SYNE2: variants seen among roughly 807,000 people sequenced by gnomAD.
SYNE2 encodes the protein spectrin repeat containing nuclear envelope protein 2, also known as nesprin-2.
Under a neutral mutation model 856.3 loss-of-function variants are expected in SYNE2, and 431 were observed. The ratio of observed to expected loss-of-function variants is 0.50; its 90% CI spans 0.47 to 0.55. The LOEUF is 0.55. SYNE2 is among the 20% of genes least tolerant of loss of function. SYNE2 has a pLI of 0.00. For missense variants in SYNE2, 8,129 were observed against 8,023.2 expected, an observed-to-expected ratio of 1.01 and a Z score of -0.50; for synonymous variants, 2,923 against 2,872.3, an observed-to-expected ratio of 1.02 and a Z score of -0.56.
chr14:63,765,545 GACAGGGTTTC>G (rs1247089144), intron 1 of SYNE2, among the ~76,000 whole-genome samples: 3 of 152,030 alleles, frequency 2.0e-5, no homozygotes, highest in African/African-American at 4.8e-5. Context: ...TTTTAGTAGA[GACAGGGTTTC>G]ACTGTGTTAA....
At chr14:63,983,956 A>G in intron 18 of SYNE2, 70 bp downstream of exon 18, 2 of 1,212,052 alleles carry the variant, frequency 1.7e-6, no homozygotes, top group Non-Finnish European at 2.3e-6. Context: ...TAAAAAAAAG[A>G]TATTGCCGGG....
chr14:63,787,177 C>G (rs563951567), intron 1 of SYNE2, among the ~76,000 whole-genome samples: 12 of 152,198 alleles, frequency 7.9e-5, no homozygotes, highest in African/African-American at 1.9e-4. Flanking sequence ...TTTATCATTT[C>G]TTTGTGTTGG....
At position 64,218,096 on chromosome 14, in the gene SYNE2, G is replaced by A. The variant is rs532390345; in HGVS notation, c.19543-302G>A. On this transcript the variant is annotated intron_variant, in intron 108 of 115. Transcript: ENST00000555002. ...TCAACAAATTGTTCTGATTTGTTTC[G>A]TGTGGATCATTTGAGGGGTGTTTGG... The A allele has an allele frequency of 5.9e-5, 22 of 372,520 alleles. No homozygotes were observed. In the East Asian group the frequency reaches 6.4e-4, roughly 11 times the overall value. The allele number at this position is 372,520 out of a possible 1,614,324, so 23.1% of individuals were successfully genotyped here. A position where few individuals can be genotyped will look rare whatever the true frequency, so the allele number is the denominator to read the frequency against.
At position 64,026,647 on chromosome 14, in the gene SYNE2, C is replaced by T. The variant is rs143410137; in HGVS notation, c.6321C>T (p.Ser2107=). Residue 2107 remains serine, a synonymous_variant, in exon 42 of 116, where the codon AGC becomes AGT. Coordinates refer to ENST00000555002, the MANE Select transcript of SYNE2 (RefSeq NM_182914.3). Reference sequence around the variant, plus strand: ...CCATCATGAAGCAGGCTGAGAGCAGCGAGGCCCCGCTGGTTCAGAAGACCC... The same window carrying T: ...CCATCATGAAGCAGGCTGAGAGCAGTGAGGCCCCGCTGGTTCAGAAGACCC... ...IETIMKQAES[S]EAPLVQKTLT... is the part of the protein sequence containing the mutation. 2.8e-3 allele frequency: 4,491 copies of T among 1,613,340 alleles called. 157 individuals are homozygous for T. In the Admixed American group the frequency reaches 0.06, roughly 22 times the overall value.
At chr14:63,929,173 A>G (rs948389477) in intron 2 of SYNE2, among the ~76,000 whole-genome samples, 6 of 152,080 alleles carry the variant, frequency 3.9e-5, no homozygotes, top group Non-Finnish European at 8.8e-5. Flanking sequence ...TACCAGAAAG[A>G]CCAAGCCATG....
At chr14:64,219,453 A>G (rs1285985082) in intron 110 of SYNE2, 43 bp downstream of exon 110, 2 of 1,586,002 alleles carry the variant, frequency 1.3e-6, no homozygotes, top group African/African-American at 2.7e-5. Flanking sequence ...CAGAATGTGC[A>G]TGTGAACGCA....
chr14:64,091,141 C>T (rs746666363), intron 60 of SYNE2, 93 bp downstream of exon 60: 1 of 1,187,634 alleles, frequency 8.4e-7, no homozygotes. Flanking sequence ...TCATTATTAT[C>T]CTATTATTGT....
chr14:64,139,947 CAG>C lies in SYNE2; in HGVS notation c.14854_14855del (p.Asp4952PhefsTer41), dbSNP rs1481257989. ...ALLKHLLSYNRDSDQLTKWLE... is the reference protein window; with the variant it reads ...ALLKHLLSYNXDSDQLTKWLE... ...CTCACTTTGCTCCTGTTAGTTATAA[CAG>C]AGATTCGGATCAGTTAACCAAGTGG... On this transcript the variant is annotated frameshift_variant, in exon 80 of 116. Transcript: ENST00000555002. LOFTEE classifies it high-confidence loss of function. The C allele has an allele frequency of 1.9e-6, 3 of 1,614,032 alleles. No homozygotes were observed. Among genetic ancestry groups the C allele is most frequent in the South Asian group, 2.2e-5 (2 of 91,086 alleles).
At chr14:63,866,457 G>A (rs945917497) in intron 1 of SYNE2, among the ~76,000 whole-genome samples, 1 of 151,956 alleles carries the variant, frequency 6.6e-6, no homozygotes, top group Non-Finnish European at 1.5e-5. Context: ...GAGCCCAGGA[G>A]TTCAAGACCA....
Position 63,970,816 on chromosome 14 carries a change from C to T in SYNE2, c.1128+2970C>T, listed in dbSNP as rs376468281. On this transcript the variant is annotated intron_variant, in intron 11 of 115. Transcript: ENST00000555002. Reference sequence around the variant, plus strand: ...TATAGGCATCCGCCACCATGCCTGGCTAATTTTTGTATTTTTATTAGAGAC... The same window carrying T: ...TATAGGCATCCGCCACCATGCCTGGTTAATTTTTGTATTTTTATTAGAGAC... Among the ~76,000 whole-genome samples the T allele has an allele frequency of 1.5e-3, 223 of 151,678 alleles. 7 individuals carry two copies. The South Asian group carries it at 0.045, about 31-fold the overall frequency.
chr14:64,150,517 G>A (rs370193486), intron 84 of SYNE2, among the ~76,000 whole-genome samples: 46 of 151,826 alleles, frequency 3.0e-4, no homozygotes, highest in South Asian at 1.5e-3. Flanking sequence ...CACTGTGCCC[G>A]GCATGGCTGT....
At chr14:63,952,651 T>C (rs2096180826) in intron 7 of SYNE2, among the ~76,000 whole-genome samples, 1 of 152,262 alleles carries the variant, frequency 6.6e-6, no homozygotes, top group Admixed American at 6.5e-5. Context: ...GGTTGTTATA[T>C]GCATAAGAAT....
chr14:64,198,171 G>A (rs1038361456), intron 99 of SYNE2, among the ~76,000 whole-genome samples: 1 of 152,204 alleles, frequency 6.6e-6, no homozygotes, highest in Non-Finnish European at 1.5e-5. Context: ...GAGCACCTGG[G>A]TCAAAACCTG....
At chr14:63,902,611 G>A (rs1055890821) in intron 1 of SYNE2, among the ~76,000 whole-genome samples, 3 of 151,926 alleles carry the variant, frequency 2.0e-5, no homozygotes, top group Non-Finnish European at 4.4e-5. Flanking sequence ...GATAGATTTC[G>A]GTTGCTAGAG....
chr14:63,910,459 G>T (rs1566777703), intron 2 of SYNE2, among the ~76,000 whole-genome samples: 1 of 152,068 alleles, frequency 6.6e-6, no homozygotes, highest in African/African-American at 2.4e-5. Context: ...ATTGTTGAGA[G>T]GTTATACTTG....
At chr14:63,831,424 T>A (rs1469074660) in intron 1 of SYNE2, among the ~76,000 whole-genome samples, 1 of 152,114 alleles carries the variant, frequency 6.6e-6, no homozygotes, top group Non-Finnish European at 1.5e-5. Context: ...TTTTTGTTGT[T>A]CTTGACATTT....
chr14:64,218,473 G>C lies in SYNE2; in HGVS notation c.19618G>C (p.Glu6540Gln), dbSNP rs2098677305. ...PRVLNGNPQQ[E>Q]DGGLAGITEQ... ...AGTCCTGAATGGCAACCCACAGCAGGAAGACGGGGGACTGGCCGGTATCAC... is the reference window on the plus strand; with the variant it reads ...AGTCCTGAATGGCAACCCACAGCAGCAAGACGGGGGACTGGCCGGTATCAC... Residue 6540 changes from glutamate (E) to glutamine (Q), a missense_variant, in exon 109 of 116, where the codon GAA (glutamate) becomes CAA (glutamine). Physicochemically the swap from Glu to Gln is conservative, Grantham distance 29 (BLOSUM62 2). This residue lies in a region of SYNE2 where 5,410 missense variants were observed against 5,284.8 expected (regional missense o/e 1.02). Coordinates refer to ENST00000555002, the MANE Select transcript of SYNE2 (RefSeq NM_182914.3). 6.2e-7 allele frequency: 1 copy of C among 1,614,128 alleles called. No individual in the cohort carries two copies. Among genetic ancestry groups the C allele is most frequent in the Non-Finnish European group, 8.5e-7 (1 of 1,180,036 alleles).
chr14:64,134,417 C>A (rs909731043), intron 78 of SYNE2, among the ~76,000 whole-genome samples: 5 of 152,116 alleles, frequency 3.3e-5, no homozygotes, highest in Non-Finnish European at 7.4e-5. Context: ...TTGCTTGAGT[C>A]GTGGCTCCAT....
intron 8 of SYNE2, among the ~76,000 whole-genome samples, chr14:63,960,069 T>C (rs2096290235): frequency 6.6e-6 from 1 of 152,232 alleles, no homozygotes; most frequent in Non-Finnish European, 1.5e-5. Context: ...TGTTAACACA[T>C]TTAATCTTCA....
Sources: allele counts gnomAD v4.1 joint callset (sites outside exome capture counted in the v4.1 genomes callset), GRCh38; gene constraint gnomAD v4.1.1; regional missense constraint gnomAD v4.1.1; transcripts MANE v1.5; gene names NCBI Gene and HGNC (gene_info 2026-07-23, HGNC 2026-07-21).